The following ZNF214 variants were observed in gnomAD, a reference collection of about 807,000 sequenced individuals.
ZNF214 encodes the protein BWSCR2-associated zinc finger protein 1.
In ZNF214, 43 loss-of-function variants were observed where a neutral mutation model predicts 53.9. That is an observed-to-expected ratio of 0.80 (90% CI 0.63 to 1.03). The LOEUF is 1.03. Ranked by LOEUF, ZNF214 falls within the 50% of genes least tolerant of loss-of-function variation. The pLI is 0.00. For synonymous variants in ZNF214, 217 were observed against 229.5 expected (o/e 0.95, Z 0.49); for missense variants, 724 against 719.1 (o/e 1.01, Z -0.08).
chr11:7,017,185 T>G (rs1851789339), intron 1 of ZNF214, among the ~76,000 whole-genome samples: 1 of 152,126 alleles, frequency 6.6e-6, no homozygotes. Flanking sequence ...TTAAAAAGGA[T>G]GCAAATCAAG....
At chr11:7,010,211 A>C (rs1176338982) in intron 1 of ZNF214, among the ~76,000 whole-genome samples, 3 of 152,144 alleles carry the variant, frequency 2.0e-5, no homozygotes, top group Non-Finnish European at 4.4e-5. Flanking sequence ...AATGTGGTAC[A>C]CATATACCAT....
In ZNF214 at chr11:6,997,359, T is replaced by C. The variant is rs1315497105; in HGVS notation, c.*2503A>G. On this transcript the variant is annotated 3_prime_UTR_variant, in exon 3 of 3. Transcript: ENST00000278314. ...TCTGTTATAGCACATAATTAGAAAT[T>C]TTTAACCCAGTGTTTTCAACATTTT... Among the ~76,000 whole-genome samples, 1 of 151,820 alleles carries C rather than the reference T, an allele frequency of 6.6e-6. No homozygotes were observed. Among genetic ancestry groups the C allele is most frequent in the Non-Finnish European group, 1.5e-5 (1 of 67,840 alleles).
At position 6,998,037 on chromosome 11, in the gene ZNF214, G is replaced by C. The variant is rs1851227694; in HGVS notation, c.*1825C>G. ...TTCCACATTCACAAACTCTCTTTAAGGCACATATACGCTACACTGTTTTCT... is the reference window on the plus strand; with the variant it reads ...TTCCACATTCACAAACTCTCTTTAACGCACATATACGCTACACTGTTTTCT... On this transcript the variant is annotated 3_prime_UTR_variant, in exon 3 of 3. Coordinates refer to ENST00000278314, the MANE Select transcript of ZNF214 (RefSeq NM_013249.4). Among the ~76,000 whole-genome samples the C allele has an allele frequency of 6.6e-6, 1 of 151,752 alleles. No homozygotes were observed. Among genetic ancestry groups the C allele is most frequent in the Admixed American group, 6.6e-5 (1 of 15,208 alleles).
chr11:7,015,409 C>G (rs1351120838), intron 1 of ZNF214, among the ~76,000 whole-genome samples: 1 of 152,014 alleles, frequency 6.6e-6, no homozygotes, highest in Non-Finnish European at 1.5e-5. Flanking sequence ...GAAACCTTGT[C>G]TCTATTAAAG....
rs943183069 is a variant in ZNF214, at chr11:6,997,472, A to AT, written c.*2389dup. Among the ~76,000 whole-genome samples the AT allele has an allele frequency of 6.7e-6, 1 of 150,294 alleles. No individual in the cohort carries two copies. Among genetic ancestry groups the AT allele is most frequent in the African/African-American group, 2.5e-5 (1 of 40,774 alleles). On this transcript the variant is annotated 3_prime_UTR_variant, in exon 3 of 3. Transcript: ENST00000278314. ...AATATTTTAGGCCAACTTCTTGGGG[A>AT]TTTTTTTGGTAGTCATTGCTACAGA...
At chr11:7,015,161 G>A (rs1243066689) in intron 1 of ZNF214, among the ~76,000 whole-genome samples, 3 of 148,374 alleles carry the variant, frequency 2.0e-5, no homozygotes, top group African/African-American at 2.5e-5. Flanking sequence ...GCATGATCTC[G>A]GCTCACTGCA....
Position 7,000,006 on chromosome 11 carries a change from A to G in ZNF214, c.1677T>C (p.Cys559=), listed in dbSNP as rs1303295521. 1 of 1,613,346 alleles carries G rather than the reference A, an allele frequency of 6.2e-7. No individual in the cohort carries two copies. The highest frequency in any genetic ancestry group is 1.7e-5 in the Admixed American group (1 of 59,866). ...CTGAGCTATGACTGAAACCTTTACC[A>G]CACTTAGCACATTGATAAGGCTTCT... The part of the protein sequence containing the change: ...TGEKPYQCAK[C]GKGFSHSSAL... Residue 559 remains cysteine, a synonymous_variant, in exon 3 of 3, where the codon TGT becomes TGC. Coordinates refer to ENST00000278314, the MANE Select transcript of ZNF214 (RefSeq NM_013249.4).
chr11:7,000,562 T>A lies in ZNF214; in HGVS notation c.1121A>T (p.His374Leu). ...TCCTGTGTGGACTCTCTGATGAACATGAAGTACTGAACTCCGATTAAAACT... is the reference window on the plus strand; with the variant it reads ...TCCTGTGTGGACTCTCTGATGAACAAGAAGTACTGAACTCCGATTAAAACT... Reference protein sequence around the residue: ...GKSFNRSSVLHVHQRVHTGEK... With the variant: ...GKSFNRSSVLLVHQRVHTGEK... Residue 374 changes from histidine to leucine, a missense_variant, in exon 3 of 3, where the codon CAT becomes CTT. Coordinates refer to ENST00000278314, the MANE Select transcript of ZNF214 (RefSeq NM_013249.4). 1.2e-6 allele frequency: 2 copies of A among 1,611,956 alleles called. No homozygotes were observed. Among genetic ancestry groups the A allele is most frequent in the South Asian group, 2.2e-5 (2 of 90,790 alleles).
intron 1 of ZNF214, chr11:7,019,656 A>T (rs760055521): frequency 2.6e-5 from 4 of 152,210 alleles, no homozygotes; most frequent in Non-Finnish European, 5.9e-5. Flanking sequence ...CCAAACTTAT[A>T]GATCTCCAAG....
intron 1 of ZNF214, among the ~76,000 whole-genome samples, chr11:7,016,975 T>G (rs1262902491): frequency 6.6e-6 from 1 of 152,050 alleles, no homozygotes. Context: ...GTCCTTAAAG[T>G]AAAAGGCAAA....
In ZNF214 at chr11:7,000,143, G is replaced by C; in HGVS notation, c.1540C>G (p.Leu514Val). Residue 514 changes from leucine (L) to valine (V), a missense_variant, in exon 3 of 3, where the codon CTC becomes GTC. Physicochemically the swap from Leu to Val is conservative, Grantham distance 32. Transcript: ENST00000278314. The stretch of plus-strand genomic sequence containing the variant: ...CCTGTATGGACTCTCTGATGAATGA[G>C]AAGATGTGAACGCTGACTGAATCCC... ...GKGFSQRSHL[L>V]IHQRVHTGEK... 6 of 1,613,358 alleles carry C rather than the reference G, an allele frequency of 3.7e-6. No homozygotes were observed. Among genetic ancestry groups the C allele is most frequent in the Non-Finnish European group, 5.1e-6 (6 of 1,179,632 alleles).
chr11:7,002,954 A>G, intron 1 of ZNF214, 99 bp from the exon 2 acceptor site: 2 of 1,226,964 alleles, frequency 1.6e-6, no homozygotes, highest in African/African-American at 3.1e-5. Context: ...GAACTTCAGT[A>G]AAGGAGAAAA....
At chr11:7,007,717 CA>C (rs1851505379) in intron 1 of ZNF214, among the ~76,000 whole-genome samples, 2 of 151,698 alleles carry the variant, frequency 1.3e-5, no homozygotes, top group African/African-American at 4.8e-5. Flanking sequence ...AGCAAGCAAA[CA>C]AAAAACCCTA....
Position 7,002,840 on chromosome 11 carries a change from T to G in ZNF214, c.-5A>C. 1 of 1,590,534 alleles carries G rather than the reference T, an allele frequency of 6.3e-7. No individual in the cohort carries two copies. The highest frequency in any genetic ancestry group is 1.4e-5 in the African/African-American group (1 of 73,408). On this transcript the variant is annotated 5_prime_UTR_variant, in exon 2 of 3. Coordinates refer to ENST00000278314, the MANE Select transcript of ZNF214 (RefSeq NM_013249.4). Reference sequence around the variant, plus strand: ...ATCTTCAAATGTTACTGCCATCTGGTCAAAGATCAGGCTTTCTAGGAAAAA... The same window carrying G: ...ATCTTCAAATGTTACTGCCATCTGGGCAAAGATCAGGCTTTCTAGGAAAAA...
Position 6,997,917 on chromosome 11 carries a change from T to C in ZNF214, c.*1945A>G, listed in dbSNP as rs1851224550. On this transcript the variant is annotated 3_prime_UTR_variant, in exon 3 of 3. Transcript: ENST00000278314. ...TACACTCAGCATTTGTATATTTTTA[T>C]TGCACATTTAATTTTTTGAAGTTTT... Among the ~76,000 whole-genome samples, 1 of 151,914 alleles carries C rather than the reference T, an allele frequency of 6.6e-6. No homozygotes were observed. Among genetic ancestry groups the C allele is most frequent in the Non-Finnish European group, 1.5e-5 (1 of 67,876 alleles).
chr11:7,009,585 TTAAAC>T (rs1194266343), intron 1 of ZNF214, among the ~76,000 whole-genome samples: 1 of 152,080 alleles, frequency 6.6e-6, no homozygotes, highest in African/African-American at 2.4e-5. Context: ...TGGGACCTAA[TTAAAC>T]TAAAGAGCTT....
At chr11:7,013,844 A>T (rs1211463265) in intron 1 of ZNF214, among the ~76,000 whole-genome samples, 1 of 152,206 alleles carries the variant, frequency 6.6e-6, no homozygotes, top group Non-Finnish European at 1.5e-5. Context: ...AAAGAAAAGG[A>T]AGGTTCAAAT....
At chr11:7,012,585 T>C (rs1564999202) in intron 1 of ZNF214, among the ~76,000 whole-genome samples, 1 of 151,780 alleles carries the variant, frequency 6.6e-6, no homozygotes, top group African/African-American at 2.4e-5. Flanking sequence ...GGAGCACAAA[T>C]AGAAAAAAAT....
At chr11:7,007,731 A>C (rs879586100) in intron 1 of ZNF214, among the ~76,000 whole-genome samples, 62 of 152,146 alleles carry the variant, frequency 4.1e-4, no homozygotes, top group Non-Finnish European at 3.8e-4. Context: ...AAACCCTAAT[A>C]ATATGAAGAC....
Sources: gnomAD v4.1 joint callset for allele counts (sites outside exome capture counted in the v4.1 genomes callset) on GRCh38, gnomAD v4.1.1 for gene constraint, MANE v1.5 for transcripts, NCBI Gene and HGNC (gene_info 2026-07-23, HGNC 2026-07-21) for gene names.